The following SPG11 variants were observed in gnomAD, a reference collection of about 807,000 sequenced individuals.
SPG11 encodes the protein SPG11 vesicle trafficking associated, spatacsin, also known as spatacsin.
A neutral mutation model predicts 274.0 loss-of-function variants in SPG11; 222 were observed. The ratio of observed to expected loss-of-function variants is 0.81; its 90% confidence interval spans 0.73 to 0.91. The LOEUF is 0.91. Ranked by LOEUF, SPG11 falls within the 40% of genes least tolerant of loss-of-function variation. SPG11 has a pLI of 0.00. For synonymous variants in SPG11, 1,144 were observed against 1,039.7 expected (o/e 1.10, Z -1.93); for missense variants, 3,114 against 2,872.7 (o/e 1.08, Z -1.92).
chr15:44,632,553 C>T (rs2084100834), intron 8 of SPG11, among the ~76,000 whole-genome samples: 1 of 151,408 alleles, frequency 6.6e-6, no homozygotes, highest in African/African-American at 2.4e-5. Flanking sequence ...ACTTTGCAAC[C>T]AGGCTGAAGT....
chr15:44,569,360 A>AG, intron 35 of SPG11, 38 bp downstream of exon 35: 1 of 1,384,614 alleles, frequency 7.2e-7, no homozygotes, highest in Middle Eastern at 1.8e-4. Context: ...AATTATCAGC[A>AG]GTACACCCCA....
chr15:44,644,716 T>C (rs2084555914), intron 7 of SPG11, among the ~76,000 whole-genome samples: 1 of 152,106 alleles, frequency 6.6e-6, no homozygotes, highest in Admixed American at 6.6e-5. Flanking sequence ...GATAAACAAC[T>C]TTGGCAAAGT....
intron 7 of SPG11, among the ~76,000 whole-genome samples, chr15:44,634,946 T>C (rs897178946): frequency 6.6e-6 from 1 of 151,964 alleles, no homozygotes; most frequent in Non-Finnish European, 1.5e-5. Context: ...TGGCCAGGTG[T>C]GGTGGCTCAT....
chr15:44,575,908 T>G (rs1255115190), intron 30 of SPG11, among the ~76,000 whole-genome samples: 1 of 152,090 alleles, frequency 6.6e-6, no homozygotes, highest in Non-Finnish European at 1.5e-5. Context: ...TTTGGGAGGC[T>G]GAGGCGGGCG....
chr15:44,604,769 A>G (rs767238873), intron 20 of SPG11, among the ~76,000 whole-genome samples: 1 of 151,824 alleles, frequency 6.6e-6, no homozygotes, highest in Non-Finnish European at 1.5e-5. Context: ...TCTACTAAAA[A>G]TACAAAAAAT....
chr15:44,602,202 C>T (rs1046498499), intron 20 of SPG11, among the ~76,000 whole-genome samples: 5 of 150,016 alleles, frequency 3.3e-5, no homozygotes, highest in African/African-American at 1.3e-4. Context: ...ATTTGGATGC[C>T]TTTCTTTTTT....
Position 44,652,201 on chromosome 15 carries a change from C to T in SPG11, c.935G>A (p.Gly312Asp), listed in dbSNP as rs774273136. 19 of 1,613,944 alleles carry T rather than the reference C, an allele frequency of 1.2e-5. No individual in the cohort carries two copies. The Admixed American group carries it at 2.5e-4, about 21-fold the overall frequency. ...GTTAACAGGATCATCTTCATCTACG[C>T]CCTTAGGTCCTTGAATAGGAAGATC... Reference protein sequence around the residue: ...LEDLPIQGPKGVDEDDPVNSA... With the variant: ...LEDLPIQGPKDVDEDDPVNSA... Residue 312 changes from glycine to aspartate, a missense_variant, in exon 5 of 40, where the codon GGC (glycine) becomes GAC (aspartate). By Grantham distance (94) the Gly-to-Asp change is moderately conservative. Transcript: ENST00000261866.
Position 44,629,273 on chromosome 15 carries a change from G to T in SPG11, c.1851C>A (p.Phe617Leu), listed in dbSNP as rs1421745379. 1.2e-6 allele frequency: 2 copies of T among 1,613,974 alleles called. No homozygotes were observed. The highest frequency in any genetic ancestry group is 4.5e-5 in the East Asian group (2 of 44,874). ...SEQLLNLTLS[F>L]LNNQIKELFI... ...AAAGCTCCTTTATTTGGTTGTTAAG[G>T]AAAGACAGTGTAAGATTAAGCAATT... is the stretch of plus-strand genomic sequence containing the variant. Residue 617 changes from phenylalanine (F) to leucine (L), a missense_variant, in exon 9 of 40, where the codon TTC (phenylalanine) becomes TTA (leucine). Physicochemically the swap from Phe to Leu is conservative, Grantham distance 22. Coordinates refer to ENST00000261866, the MANE Select transcript of SPG11 (RefSeq NM_025137.4).
In SPG11 at chr15:44,647,865, T is replaced by C. The variant is rs1184886308; in HGVS notation, c.1602+1001A>G. Among the ~76,000 whole-genome samples, 5 of 152,206 alleles carry C rather than the reference T, an allele frequency of 3.3e-5. No homozygotes were observed. In the East Asian group the frequency reaches 5.8e-4, roughly 18 times the overall value. On this transcript the variant is annotated intron_variant, in intron 7 of 39. Transcript: ENST00000261866. ...ACAACTCTGAATATACCACAGGCCA[T>C]TGAATTGTACATTTTAAAAGGGTGA...
At chr15:44,598,218 G>T in intron 23 of SPG11, 47 bp downstream of exon 23, 3 of 1,427,986 alleles carry the variant, frequency 2.1e-6, no homozygotes, top group Non-Finnish European at 3.0e-6. Context: ...ACACAGGTTG[G>T]CACAATAAGC....
chr15:44,633,755 A>G, intron 7 of SPG11, 118 bp from the exon 8 acceptor site: 1 of 1,015,832 alleles, frequency 9.8e-7, no homozygotes, highest in Non-Finnish European at 1.5e-6. Context: ...GAGGCAAAAG[A>G]CTGCATGAGT....
At chr15:44,610,052 G>A (rs2083421832) in intron 18 of SPG11, among the ~76,000 whole-genome samples, 2 of 151,674 alleles carry the variant, frequency 1.3e-5, no homozygotes, top group Admixed American at 1.3e-4. Context: ...ACAGGCGTAC[G>A]CTACCATGCC....
chr15:44,603,771 T>C (rs1288512682), intron 20 of SPG11, among the ~76,000 whole-genome samples: 1 of 152,186 alleles, frequency 6.6e-6, no homozygotes, highest in East Asian at 1.9e-4. Context: ...CCCCATACAC[T>C]TTAGATTACT....
rs2082709680 is a variant in SPG11 at position 44,584,139 on chromosome 15, A to C, written c.5541T>G (p.Ala1847=). 6.2e-7 allele frequency: 1 copy of C among 1,614,248 alleles called. No individual in the cohort carries two copies. Among genetic ancestry groups the C allele is most frequent in the Non-Finnish European group, 8.5e-7 (1 of 1,180,048 alleles). Residue 1847 remains alanine (A), a synonymous_variant, in exon 30 of 40, where the codon GCT becomes GCG. Transcript: ENST00000261866. ...LASEFSFSKL[A]ALNTSKYLEL... The stretch of plus-strand genomic sequence containing the variant: ...CTAAGTATTTTGATGTGTTCAGAGC[A>C]GCCAACTTGGAGAAGGAAAACTCAC...
intron 15 of SPG11, among the ~76,000 whole-genome samples, chr15:44,618,755 GC>G (rs374442731): frequency 4.6e-5 from 7 of 151,866 alleles, no homozygotes; most frequent in African/African-American, 1.7e-4. Flanking sequence ...AGAAGGCAGA[GC>G]TTGTAGTGAG....
chr15:44,602,464 A>G (rs951417016), intron 20 of SPG11, among the ~76,000 whole-genome samples: 1 of 151,406 alleles, frequency 6.6e-6, no homozygotes, highest in African/African-American at 2.4e-5. Flanking sequence ...ATCTATTGAT[A>G]TGATCATATG....
chr15:44,583,847 C>A lies in SPG11; in HGVS notation c.5833G>T (p.Ala1945Ser), dbSNP rs749230316. ...LQSAELLEEE[A>S]PDIPLRRVHS... ...ACTCTCCTTAGGGGAATGTCGGGTG[C>A]TTCTTCCTCAAGCAGCTCAGCACTT... The change falls in exon 30 of 40, where the codon GCA (alanine) becomes TCA (serine). Residue 1945 changes from alanine (A) to serine (S), a missense_variant. Physicochemically the swap from Ala to Ser is moderately conservative, Grantham distance 99 (BLOSUM62 1). Coordinates refer to ENST00000261866, the MANE Select transcript of SPG11 (RefSeq NM_025137.4). 1.9e-6 allele frequency: 3 copies of A among 1,614,180 alleles called. No individual in the cohort carries two copies. The highest frequency in any genetic ancestry group is 2.5e-6 in the Non-Finnish European group (3 of 1,180,038).
At chr15:44,631,569 T>C (rs915777011) in intron 8 of SPG11, among the ~76,000 whole-genome samples, 1 of 151,740 alleles carries the variant, frequency 6.6e-6, no homozygotes. Flanking sequence ...AAAAAGAGCA[T>C]ATTAGTTGTT....
At chr15:44,638,745 C>T (rs1195113560) in intron 7 of SPG11, among the ~76,000 whole-genome samples, 4 of 152,118 alleles carry the variant, frequency 2.6e-5, no homozygotes, top group African/African-American at 7.2e-5. Flanking sequence ...CCTGTAATCC[C>T]GGCACTTTGG....
Sources: gnomAD v4.1 joint callset for allele counts (sites outside exome capture counted in the v4.1 genomes callset) on GRCh38, gnomAD v4.1.1 for gene constraint, MANE v1.5 for transcripts, NCBI Gene and HGNC (gene_info 2026-07-23, HGNC 2026-07-21) for gene names.